Variants in WHAMM observed in about 807,000 individuals in gnomAD.
WHAMM encodes WASP homolog associated with actin, golgi membranes and microtubules, also known as WASP homolog-associated protein with actin, membranes and microtubules.
Under a neutral mutation model 76.5 loss-of-function variants are expected in WHAMM, and 67 were observed. The ratio of observed to expected loss-of-function variants is 0.88; its 90% CI spans 0.72 to 1.07. WHAMM has a LOEUF of 1.07. WHAMM is among the 50% of genes least tolerant of loss of function. The pLI is 0.00. For missense variants in WHAMM, 1,021 were observed against 1,051.1 expected (o/e 0.97, Z 0.40); for synonymous variants, 419 against 422.1 (o/e 0.99, Z 0.09).
At chr15:82,818,917 A>G (rs567704012) in intron 4 of WHAMM, among the ~76,000 whole-genome samples, 1 of 152,334 alleles carries the variant, frequency 6.6e-6, no homozygotes, top group South Asian at 2.1e-4. Context: ...TTTAGAAAGA[A>G]AGTGATCCCT....
At chr15:82,825,409 C>T (rs539572804) in intron 6 of WHAMM, among the ~76,000 whole-genome samples, 4 of 152,024 alleles carry the variant, frequency 2.6e-5, no homozygotes, top group Non-Finnish European at 5.9e-5. Context: ...AGACTTGGAG[C>T]ATTAACCTTC....
At chr15:82,829,267 T>C (rs952394798) in intron 8 of WHAMM, among the ~76,000 whole-genome samples, 5 of 152,092 alleles carry the variant, frequency 3.3e-5, no homozygotes, top group African/African-American at 1.2e-4. Context: ...ACCCAGGAGT[T>C]TGAGACCAGC....
At chr15:82,814,106 T>C (rs2050679381) in intron 2 of WHAMM, among the ~76,000 whole-genome samples, 1 of 152,236 alleles carries the variant, frequency 6.6e-6, no homozygotes, top group Non-Finnish European at 1.5e-5. Flanking sequence ...AATGCTGTTA[T>C]CACTCTTGCT....
intron 8 of WHAMM, among the ~76,000 whole-genome samples, 184 bp downstream of exon 8, chr15:82,827,030 C>T (rs1454050507): frequency 6.6e-6 from 1 of 152,128 alleles, no homozygotes; most frequent in Admixed American, 6.5e-5. Context: ...GATTCAAAAC[C>T]CATGATACAA....
At chr15:82,810,418 C>G in intron 1 of WHAMM, 83 bp downstream of exon 1, 1 of 1,226,358 alleles carries the variant, frequency 8.2e-7, no homozygotes, top group Non-Finnish European at 1.0e-6. Context: ...GCCGAGAGCC[C>G]TGGCTGACGG....
At chr15:82,819,273 T>A (rs1053151259) in intron 4 of WHAMM, 50 bp from the exon 5 acceptor site, 1 of 762,670 alleles carries the variant, frequency 1.3e-6, no homozygotes, top group African/African-American at 1.8e-5. Flanking sequence ...AGTTTGTTTT[T>A]AATATACTAA....
At chr15:82,819,527 A>C in intron 5 of WHAMM, 39 bp downstream of exon 5, 1 of 1,008,992 alleles carries the variant, frequency 9.9e-7, no homozygotes, top group Non-Finnish European at 1.4e-6. Flanking sequence ...TTTAAATTAT[A>C]AATTTAAGGA....
At chr15:82,819,260 TAA>T in intron 4 of WHAMM, 61 bp from the exon 5 acceptor site, 9 of 654,474 alleles carry the variant, frequency 1.4e-5, no homozygotes, top group Non-Finnish European at 2.0e-5. Context: ...AGAATGCTTC[TAA>T]AGTTTGTTTT....
chr15:82,827,899 T>TG (rs1431808945), intron 8 of WHAMM, among the ~76,000 whole-genome samples: 1 of 152,126 alleles, frequency 6.6e-6, no homozygotes, highest in Non-Finnish European at 1.5e-5. Flanking sequence ...GAGCTGAACT[T>TG]GCGCCACTGC....
At chr15:82,831,947 T>C (rs1394277455) in intron 9 of WHAMM, among the ~76,000 whole-genome samples, 1 of 152,244 alleles carries the variant, frequency 6.6e-6, no homozygotes, top group Non-Finnish European at 1.5e-5. Flanking sequence ...AATTGAGCAA[T>C]CTGGCTATTC....
At position 82,818,078 on chromosome 15, in the gene WHAMM, A is replaced by G; in HGVS notation, c.1093A>G (p.Ile365Val). ...GTGTTTAAATCACAAAAGAGCTGAAATTCAGGGAAAGGTAAGACAAAGATA... is the reference window on the plus strand; with the variant it reads ...GTGTTTAAATCACAAAAGAGCTGAAGTTCAGGGAAAGGTAAGACAAAGATA... Reference protein sequence around the residue: ...ELCLNHKRAEIQGKMEDLPEQ... With the variant: ...ELCLNHKRAEVQGKMEDLPEQ... Residue 365 changes from isoleucine (I) to valine (V), a missense_variant, in exon 4 of 10, where the codon ATT becomes GTT. Around this residue, in one of 3 missense-constraint regions of WHAMM, gnomAD observed 501 missense variants for 524.9 expected, o/e 0.95. Coordinates refer to ENST00000286760, the MANE Select transcript of WHAMM (RefSeq NM_001080435.3). 6.5e-7 allele frequency: 1 copy of G among 1,548,840 alleles called. No homozygotes were observed. The highest frequency in any genetic ancestry group is 2.4e-5 in the East Asian group (1 of 41,266).
intron 6 of WHAMM, among the ~76,000 whole-genome samples, chr15:82,826,199 A>G (rs761729654): frequency 1.3e-5 from 2 of 152,200 alleles, no homozygotes; most frequent in Non-Finnish European, 2.9e-5. Flanking sequence ...CATCTCTTAA[A>G]GCACTCTGCT....
intron 5 of WHAMM, among the ~76,000 whole-genome samples, chr15:82,821,693 AC>A (rs1191009655): frequency 6.6e-6 from 1 of 151,862 alleles, no homozygotes; most frequent in East Asian, 1.9e-4. Context: ...GACTATTTTC[AC>A]TCCTTTATTC....
At chr15:82,830,480 CTT>C in intron 8 of WHAMM, 117 bp from the exon 9 acceptor site, 1 of 1,451,812 alleles carries the variant, frequency 6.9e-7, no homozygotes, top group Admixed American at 2.2e-5. Context: ...CAAGGAGTCA[CTT>C]TGTGAATTAG....
chr15:82,816,085 TCTC>T (rs1222113297), intron 2 of WHAMM, among the ~76,000 whole-genome samples: 1 of 152,110 alleles, frequency 6.6e-6, no homozygotes, highest in Non-Finnish European at 1.5e-5. Flanking sequence ...AGATCCTGTG[TCTC>T]CTCTTCTTTT....
At chr15:82,826,672 G>C (rs2050940428) in intron 7 of WHAMM, 79 bp from the exon 8 acceptor site, 1 of 1,530,116 alleles carries the variant, frequency 6.5e-7, no homozygotes, top group Non-Finnish European at 8.8e-7. Flanking sequence ...CTCTTTCTTT[G>C]CTGAGACATT....
chr15:82,810,466 G>T, intron 1 of WHAMM, 131 bp downstream of exon 1: 1 of 1,223,196 alleles, frequency 8.2e-7, no homozygotes, highest in East Asian at 3.5e-5. Flanking sequence ...AAGGCCGCGG[G>T]CTCCCCAGTG....
rs1596279571 is a variant in WHAMM, at chr15:82,816,967, G to C, written c.934+125G>C. 12 of 955,692 alleles carry C rather than the reference G, an allele frequency of 1.3e-5. 1 individual carries two copies. In the South Asian group the frequency reaches 1.4e-4, roughly 11 times the overall value. The allele number at this position is 955,692 out of a possible 1,614,324, so 59.2% of individuals were successfully genotyped here. On this transcript the variant is annotated intron_variant, in intron 3 of 9. Coordinates refer to ENST00000286760, the MANE Select transcript of WHAMM (RefSeq NM_001080435.3). Reference sequence around the variant, plus strand: ...CTAGGTGCTGAGAATTCAGTGTCAAGCGTTAAGAGACGTTGTACAGTCTGG... The same window carrying C: ...CTAGGTGCTGAGAATTCAGTGTCAACCGTTAAGAGACGTTGTACAGTCTGG...
At chr15:82,824,382 C>T (rs965847024) in intron 6 of WHAMM, among the ~76,000 whole-genome samples, 7 of 151,980 alleles carry the variant, frequency 4.6e-5, no homozygotes, top group African/African-American at 1.7e-4. Context: ...GGCTGGAGTG[C>T]AGTGGCACGA....
Sources: allele counts gnomAD v4.1 joint callset (sites outside exome capture counted in the v4.1 genomes callset), GRCh38; gene constraint gnomAD v4.1.1; regional missense constraint gnomAD v4.1.1; transcripts MANE v1.5; gene names NCBI Gene and HGNC (gene_info 2026-07-23, HGNC 2026-07-21).